LYPD6: variants seen among roughly 807,000 people sequenced by gnomAD.
LYPD6 encodes LY6/PLAUR domain containing 6, also known as ly6/PLAUR domain-containing protein 6.
In LYPD6, 15 loss-of-function variants were observed where a neutral mutation model predicts 22.7. That is an observed-to-expected ratio of 0.66 (90% CI 0.44 to 1.02). LYPD6 has a LOEUF of 1.02. Among genes scored for constraint, LYPD6 ranks in the 50% least tolerant of loss-of-function variants. The probability of loss-of-function intolerance (pLI) is 0.00; values close to 1 mark genes in which losing one functional copy is unlikely to be tolerated. For missense variants in LYPD6, 189 were observed against 208.4 expected (o/e 0.91, Z 0.57); for synonymous variants, 72 against 77.5 (o/e 0.93, Z 0.37).
intron 4 of LYPD6, 87 bp downstream of exon 4, chr2:149,468,862 C>G (rs1681269037): frequency 1.4e-6 from 2 of 1,409,154 alleles, no homozygotes; most frequent in African/African-American, 1.4e-5. Flanking sequence ...CAGATTCTTA[C>G]TCCCCCGTGA....
At chr2:149,343,486 A>G (rs1026523045) in intron 1 of LYPD6, among the ~76,000 whole-genome samples, 2 of 152,200 alleles carry the variant, frequency 1.3e-5, no homozygotes, top group South Asian at 4.1e-4. Flanking sequence ...TTGGCAAGTC[A>G]TTGATTCAGC....
rs1219733260 is a variant in LYPD6 at position 149,345,927 on chromosome 2, T to C, written c.-72+15205T>C. Among the ~76,000 whole-genome samples, 4 of 152,138 alleles carry C rather than the reference T, an allele frequency of 2.6e-5. No homozygotes were observed. The East Asian group carries it at 7.7e-4, about 29-fold the overall frequency. ...GCTTCCAAACTGCACCGTGCTCCAG[T>C]TTTTGAATTAAACTCTTCCATTTTT... On this transcript the variant is annotated intron_variant, in intron 1 of 4. Transcript: ENST00000334166.
chr2:149,377,228 G>T (rs1443239315), intron 1 of LYPD6, among the ~76,000 whole-genome samples: 2 of 150,622 alleles, frequency 1.3e-5, no homozygotes, highest in Non-Finnish European at 3.0e-5. Context: ...GGAAACATGC[G>T]GAGTGATGTT....
At chr2:149,480,380 C>T in the LYPD6 span, among the ~76,000 whole-genome samples, 1 of 152,102 alleles carries the variant, frequency 6.6e-6, no homozygotes, top group East Asian at 1.9e-4. Context: ...CTTTCCTCTG[C>T]CAGGTGTACT....
intron 1 of LYPD6, among the ~76,000 whole-genome samples, chr2:149,419,402 T>C (rs1043820699): frequency 1.3e-5 from 2 of 152,244 alleles, no homozygotes; most frequent in Admixed American, 6.5e-5. Flanking sequence ...ATTTTATTCA[T>C]TTATCATTAA....
intron 1 of LYPD6, among the ~76,000 whole-genome samples, chr2:149,356,436 CCCTA>C (rs1285828047): frequency 6.6e-6 from 1 of 152,222 alleles, no homozygotes; most frequent in Non-Finnish European, 1.5e-5. Context: ...TGTTTTCCTT[CCCTA>C]CATGGACACA....
intron 1 of LYPD6, among the ~76,000 whole-genome samples, chr2:149,421,811 T>A (rs1228808395): frequency 6.6e-6 from 1 of 152,090 alleles, no homozygotes; most frequent in African/African-American, 2.4e-5. Flanking sequence ...ACGGAATGGG[T>A]GAGGTTCTGT....
At chr2:149,425,572 C>T (rs1049679589) in intron 1 of LYPD6, among the ~76,000 whole-genome samples, 24 of 152,304 alleles carry the variant, frequency 1.6e-4, no homozygotes, top group South Asian at 2.1e-4. Context: ...TCAAGGACAA[C>T]GCTCTTTTAT....
intron 2 of LYPD6, among the ~76,000 whole-genome samples, chr2:149,444,195 A>G (rs1683630631): frequency 6.6e-6 from 1 of 152,120 alleles, no homozygotes; most frequent in African/African-American, 2.4e-5. Context: ...CGGCCTCCCA[A>G]AGTGCTGAGA....
At chr2:149,434,773 TC>T (rs1683393444) in intron 1 of LYPD6, among the ~76,000 whole-genome samples, 1 of 152,132 alleles carries the variant, frequency 6.6e-6, no homozygotes, top group Non-Finnish European at 1.5e-5. Context: ...CACGGCAAGT[TC>T]CTGTCCTGAG....
intron 1 of LYPD6, among the ~76,000 whole-genome samples, chr2:149,410,460 T>A (rs1480338482): frequency 6.6e-6 from 1 of 152,150 alleles, no homozygotes; most frequent in Non-Finnish European, 1.5e-5. Context: ...GTCTCAGACA[T>A]AGGATTCTAG....
chr2:149,418,650 G>C (rs1343743184), intron 1 of LYPD6, among the ~76,000 whole-genome samples: 1 of 152,200 alleles, frequency 6.6e-6, no homozygotes, highest in African/African-American at 2.4e-5. Context: ...TTAATAGCTT[G>C]AGGAGAAGCT....
At chr2:149,486,316 G>A in the LYPD6 span, among the ~76,000 whole-genome samples, 3 of 152,136 alleles carry the variant, frequency 2.0e-5, no homozygotes, top group Admixed American at 6.5e-5. Flanking sequence ...TAAAGACCAT[G>A]CCCCCTCACT....
chr2:149,479,636 G>A, the LYPD6 span, among the ~76,000 whole-genome samples: 3 of 152,014 alleles, frequency 2.0e-5, no homozygotes, highest in Admixed American at 6.6e-5. Flanking sequence ...CACCTCCCAG[G>A]TCTAATCTAC....
At chr2:149,444,950 A>G (rs1021421248) in intron 2 of LYPD6, among the ~76,000 whole-genome samples, 2 of 152,232 alleles carry the variant, frequency 1.3e-5, no homozygotes, top group Non-Finnish European at 2.9e-5. Flanking sequence ...TACTTTGCTC[A>G]TATTCATCAG....
chr2:149,448,744 G>A (rs1241858700), intron 2 of LYPD6, among the ~76,000 whole-genome samples: 2 of 152,182 alleles, frequency 1.3e-5, no homozygotes, highest in Admixed American at 6.5e-5. Flanking sequence ...CCATAGTATG[G>A]ATGTCCAACA....
chr2:149,376,066 A>G (rs548368006), intron 1 of LYPD6, among the ~76,000 whole-genome samples: 229 of 152,352 alleles, frequency 1.5e-3, no homozygotes, highest in Non-Finnish European at 2.7e-3. Flanking sequence ...CTGCAAAAAC[A>G]CAAAAGGGCT....
chr2:149,417,448 T>G (rs549011060), intron 1 of LYPD6, among the ~76,000 whole-genome samples: 1 of 152,198 alleles, frequency 6.6e-6, no homozygotes, highest in Admixed American at 6.5e-5. Context: ...CCAGCAAAAA[T>G]TAAGCGTCTG....
At chr2:149,404,373 T>C (rs1682641572) in intron 1 of LYPD6, among the ~76,000 whole-genome samples, 1 of 152,218 alleles carries the variant, frequency 6.6e-6, no homozygotes, top group Non-Finnish European at 1.5e-5. Context: ...GAGCATGGAA[T>C]GTTCTTCCAT....
Sources: allele counts gnomAD v4.1 joint callset (sites outside exome capture counted in the v4.1 genomes callset), GRCh38; gene constraint gnomAD v4.1.1; transcripts MANE v1.5; gene names NCBI Gene and HGNC (gene_info 2026-07-23, HGNC 2026-07-21).